Variants in ARHGEF19 observed in about 807,000 individuals in gnomAD.
ARHGEF19 encodes the protein Rho guanine nucleotide exchange factor 19, also known as Rho guanine nucleotide exchange factor (GEF) 19.
Under a neutral mutation model 87.6 loss-of-function variants are expected in ARHGEF19, and 92 were observed. The ratio of observed to expected loss-of-function variants is 1.05; its 90% CI spans 0.89 to 1.25. The LOEUF is 1.25. ARHGEF19 is among the 50% of genes most tolerant of loss of function. The pLI, the probability that ARHGEF19 is intolerant of heterozygous loss-of-function variation, is 0.00. For synonymous variants in ARHGEF19, 438 were observed against 446.2 expected (o/e 0.98, Z 0.23); for missense variants, 1,054 against 1,051.8 (o/e 1.00, Z -0.03).
rs772251757 is a variant in ARHGEF19, at chr1:16,208,653, C to A, written c.402G>T (p.Lys134Asn). The A allele has an allele frequency of 6.2e-6, 10 of 1,603,732 alleles. No individual in the cohort carries two copies. Among genetic ancestry groups the A allele is most frequent in the African/African-American group, 2.7e-5 (2 of 74,436 alleles). Reference sequence around the variant, plus strand: ...CCCAGGGTGACTCACAGGCAGACTTCTTCTCCGAGCCGTGGCTGGCCCGGC... The same window carrying A: ...CCCAGGGTGACTCACAGGCAGACTTATTCTCCGAGCCGTGGCTGGCCCGGC... ...PQRRASHGSE[K>N]KSAWRKMRVY... Residue 134 changes from lysine (K) to asparagine (N), a missense_variant, in exon 2 of 16, where the codon AAG (lysine) becomes AAT (asparagine). Lys to Asn is a moderately conservative substitution (Grantham distance 94). Transcript: ENST00000270747.
At chr1:16,203,184 G>A (rs967767454) in intron 12 of ARHGEF19, among the ~76,000 whole-genome samples, 2 of 139,278 alleles carry the variant, frequency 1.4e-5, no homozygotes, top group African/African-American at 5.1e-5. Context: ...GGCAGGATGG[G>A]TGGAGGGTGT....
chr1:16,207,525 T>C lies in ARHGEF19; in HGVS notation c.871A>G (p.Asn291Asp). 1 of 1,613,666 alleles carries C rather than the reference T, an allele frequency of 6.2e-7. No individual in the cohort carries two copies. ...NERRQSRFLL[N>D]SVLYQEYSDV... ...CAGGGACCCCCCTCCCACGTACAGT[T>C]AAGGAGGAATCGAGACTGGCGCCGC... The change falls in exon 5 of 16, where the codon AAC becomes GAC. Residue 291 changes from asparagine to aspartate, a missense_variant. By Grantham distance (23) the Asn-to-Asp change is conservative. Coordinates refer to ENST00000270747, the MANE Select transcript of ARHGEF19 (RefSeq NM_153213.5). The surrounding 1 kb of genome is among the most constrained non-coding windows in gnomAD (Gnocchi z 4.0).
At position 16,202,557 on chromosome 1, in the gene ARHGEF19, A is replaced by G; in HGVS notation, c.1925T>C (p.Val642Ala). 1 of 1,613,686 alleles carries G rather than the reference A, an allele frequency of 6.2e-7. No homozygotes were observed. The highest frequency in any genetic ancestry group is 8.5e-7 in the Non-Finnish European group (1 of 1,179,670). ...CTCAGCCATCTTGGCATGGACGAAA[A>G]CGGCAAACTTCCCTAGCCTGGAGGA... ...SRRKELGKFA[V>A]FVHAKMAELQ... The change falls in exon 13 of 16, where the codon GTT becomes GCT. Residue 642 changes from valine to alanine, a missense_variant. Physicochemically the swap from Val to Ala is moderately conservative, Grantham distance 64. Coordinates refer to ENST00000270747, the MANE Select transcript of ARHGEF19 (RefSeq NM_153213.5).
chr1:16,201,908 G>A (rs774305149), intron 13 of ARHGEF19, 47 bp from the exon 14 acceptor site: 1 of 1,594,478 alleles, frequency 6.3e-7, no homozygotes, highest in South Asian at 1.1e-5. Context: ...AAGTGCAGTT[G>A]CCCAGGGCAG....
intron 2 of ARHGEF19, 126 bp downstream of exon 2, chr1:16,208,517 A>T: frequency 7.8e-7 from 1 of 1,289,706 alleles, no homozygotes; most frequent in Non-Finnish European, 1.0e-6. Context: ...TAGTTTCCTT[A>T]TCACTAATCT....
Position 16,207,472 on chromosome 1 carries a change from C to T in ARHGEF19, c.874+50G>A, listed in dbSNP as rs748466328. Reference sequence around the variant, plus strand: ...AACCCTCTTTTCCCCGTTTCCACACCGCAGCCCCTTCCTCCGTTACCTCCT... The same window carrying T: ...AACCCTCTTTTCCCCGTTTCCACACTGCAGCCCCTTCCTCCGTTACCTCCT... On this transcript the variant is annotated intron_variant, in intron 5 of 15. Transcript: ENST00000270747. This position sits in a 1 kb window ranked among gnomAD's most constrained non-coding sequence, Gnocchi z 4.0. 3.1e-6 allele frequency: 5 copies of T among 1,604,956 alleles called. No individual in the cohort carries two copies. The East Asian group carries it at 8.9e-5, about 29-fold the overall frequency.
In ARHGEF19 at chr1:16,207,280, C is replaced by T; in HGVS notation, c.875-70G>A. ...CCCTGCCCGGCTTTTCCTCGGTTCC[C>T]TCAAGAGCCCGCGTCACTTAACCTT... is the stretch of plus-strand genomic sequence containing the variant. On this transcript the variant is annotated intron_variant, in intron 5 of 15. Coordinates refer to ENST00000270747, the MANE Select transcript of ARHGEF19 (RefSeq NM_153213.5). The surrounding 1 kb of genome is among the most constrained non-coding windows in gnomAD (Gnocchi z 4.0). The T allele has an allele frequency of 1.4e-6, 2 of 1,453,502 alleles. No homozygotes were observed. The highest frequency in any genetic ancestry group is 1.8e-6 in the Non-Finnish European group (2 of 1,108,024). 90.0% of individuals were successfully genotyped at this position (1,453,502 alleles called of 1,614,324 possible).
rs1409576282 is a variant in ARHGEF19 at position 16,205,351 on chromosome 1, C to T, written c.1656G>A (p.Glu552=). ...MATKAFNALK[E]LVQECNASVQ... ...GCAGCCCCTGCCCTGCCCAGCTCACCTCCTTGAGCGCATTGAAGGCCTTGG... is the reference window on the plus strand; with the variant it reads ...GCAGCCCCTGCCCTGCCCAGCTCACTTCCTTGAGCGCATTGAAGGCCTTGG... Residue 552 remains glutamate (E), a splice_region_variant and synonymous_variant, in exon 10 of 16, where the codon GAG becomes GAA. Coordinates refer to ENST00000270747, the MANE Select transcript of ARHGEF19 (RefSeq NM_153213.5). The surrounding 1 kb of genome is among the most constrained non-coding windows in gnomAD (Gnocchi z 5.8). 3.1e-6 allele frequency: 5 copies of T among 1,613,820 alleles called. No individual in the cohort carries two copies. Among genetic ancestry groups the T allele is most frequent in the Non-Finnish European group, 4.2e-6 (5 of 1,179,868 alleles).
Position 16,207,922 on chromosome 1 carries a change from G to T in ARHGEF19, c.694+22C>A. 1 of 1,593,594 alleles carries T rather than the reference G, an allele frequency of 6.3e-7. No homozygotes were observed. The highest frequency in any genetic ancestry group is 8.6e-7 in the Non-Finnish European group (1 of 1,168,716). ...CCACCCGGCATCTGGCTGCCCTCAG[G>T]GCCCATGGGAGGAGCTGGTACCTTC... is the stretch of plus-strand genomic sequence containing the variant. On this transcript the variant is annotated intron_variant, in intron 3 of 15. Coordinates refer to ENST00000270747, the MANE Select transcript of ARHGEF19 (RefSeq NM_153213.5). This position sits in a 1 kb window ranked among gnomAD's most constrained non-coding sequence, Gnocchi z 4.0.
rs1236758784 is a variant in ARHGEF19 at position 16,206,083 on chromosome 1, C to A, written c.1299G>T (p.Arg433Ser). 4 of 1,578,460 alleles carry A rather than the reference C, an allele frequency of 2.5e-6. No homozygotes were observed. Among genetic ancestry groups the A allele is most frequent in the Non-Finnish European group, 3.4e-6 (4 of 1,161,706 alleles). ...GCCGCTGCTCCAGGTCCTGCAGGAA[C>A]CTGAGGAGTCAGAGCCAGGATGGAG... ...KLPEVKSTSE[R>S]FLQDLEQRLE... The change falls in exon 8 of 16, where the codon AGG becomes AGT. Residue 433 changes from arginine (R) to serine (S), a missense_variant and splice_region_variant. Transcript: ENST00000270747. The surrounding 1 kb of genome is among the most constrained non-coding windows in gnomAD (Gnocchi z 4.6).
In ARHGEF19 at chr1:16,208,130, C is replaced by T; in HGVS notation, c.508G>A (p.Ala170Thr). The T allele has an allele frequency of 6.2e-7, 1 of 1,613,496 alleles. No homozygotes were observed. Among genetic ancestry groups the T allele is most frequent in the Non-Finnish European group, 8.5e-7 (1 of 1,179,500 alleles). The change falls in exon 3 of 16, where the codon GCC (alanine) becomes ACC (threonine). Residue 170 changes from alanine to threonine, a missense_variant. Coordinates refer to ENST00000270747, the MANE Select transcript of ARHGEF19 (RefSeq NM_153213.5). ...LEPGQVVQEQ[A>T]LSTEEPRVEL... is the part of the protein sequence containing the mutation. ...ACCCTGGGCTCCTCTGTGCTCAGGG[C>T]CTGCTCTTGCACTACCTGGCCAGGC... is the stretch of plus-strand genomic sequence containing the variant.
In ARHGEF19 at chr1:16,205,724, A is replaced by C; in HGVS notation, c.1452-57T>G. 6.5e-7 allele frequency: 1 copy of C among 1,548,644 alleles called. No homozygotes were observed. On this transcript the variant is annotated intron_variant, in intron 8 of 15. Coordinates refer to ENST00000270747, the MANE Select transcript of ARHGEF19 (RefSeq NM_153213.5). The surrounding 1 kb of genome is among the most constrained non-coding windows in gnomAD (Gnocchi z 5.8). ...GTAGGCCTGAATTCCTGGGATCCAC[A>C]ACCCTGGCCATCCACGGGGTCCTCA...
At position 16,204,922 on chromosome 1, in the gene ARHGEF19, A is replaced by G; in HGVS notation, c.1747-3T>C. On this transcript the variant is annotated splice_region_variant and splice_polypyrimidine_tract_variant and intron_variant, in intron 11 of 15. Transcript: ENST00000270747. ...GCCTGAGAGATCAGCGGGAAAATCT[A>G]GAGGGATGGAGAAGGATGGGTCAGG... is the stretch of plus-strand genomic sequence containing the variant. 3 of 1,596,420 alleles carry G rather than the reference A, an allele frequency of 1.9e-6. No individual in the cohort carries two copies. In the South Asian group the frequency reaches 3.4e-5, roughly 18 times the overall value.
chr1:16,207,135 G>C lies in ARHGEF19; in HGVS notation c.950C>G (p.Pro317Arg), dbSNP rs1379366211. Residue 317 changes from proline to arginine, a missense_variant, in exon 6 of 16, where the codon CCG (proline) becomes CGG (arginine). Physicochemically the swap from Pro to Arg is moderately radical, Grantham distance 103 (BLOSUM62 -2). Transcript: ENST00000270747. The surrounding 1 kb of genome is among the most constrained non-coding windows in gnomAD (Gnocchi z 4.0). ...CTCTGCGCCCTCGGCCTCGTCCCCC[G>C]GGCCCTCCTCCTCGCGCTGCTGCCG... ...LRRQQREEEG[P>R]GDEAEGAEEG... 3.3e-6 allele frequency: 5 copies of C among 1,525,868 alleles called. No homozygotes were observed. Among genetic ancestry groups the C allele is most frequent in the Non-Finnish European group, 4.4e-6 (5 of 1,140,240 alleles). The allele number at this position is 1,525,868 out of a possible 1,614,324, so 94.5% of individuals were successfully genotyped here. A position where few individuals can be genotyped will look rare whatever the true frequency, so the allele number is the denominator to read the frequency against.
chr1:16,208,109 T>C lies in ARHGEF19; in HGVS notation c.529A>G (p.Arg177Gly), dbSNP rs2081162889. Residue 177 changes from arginine to glycine, a missense_variant, in exon 3 of 16, where the codon AGG becomes GGG. Physicochemically the swap from Arg to Gly is moderately radical, Grantham distance 125 (BLOSUM62 -2). Coordinates refer to ENST00000270747, the MANE Select transcript of ARHGEF19 (RefSeq NM_153213.5). ...QEQALSTEEP[R>G]VELSGSTRVS... ...CGGGTGGACCCAGACAACTCCACCC[T>C]GGGCTCCTCTGTGCTCAGGGCCTGC... 1.9e-6 allele frequency: 3 copies of C among 1,613,946 alleles called. No individual in the cohort carries two copies. Among genetic ancestry groups the C allele is most frequent in the African/African-American group, 2.7e-5 (2 of 74,938 alleles).
chr1:16,212,367 G>A (rs1322505863), intron 1 of ARHGEF19, 135 bp downstream of exon 1: 2 of 152,396 alleles, frequency 1.3e-5, no homozygotes. Context: ...CAGGCCAAGT[G>A]GTTCACAGAG....
chr1:16,204,963 C>A (rs1229311199), intron 11 of ARHGEF19, 44 bp from the exon 12 acceptor site: 1 of 1,576,928 alleles, frequency 6.3e-7, no homozygotes, highest in Non-Finnish European at 8.6e-7. Flanking sequence ...GGGCACCAGG[C>A]AGAGAGCACA....
Position 16,205,248 on chromosome 1 carries a change from C to G in ARHGEF19, c.1657-72G>C. On this transcript the variant is annotated intron_variant, in intron 10 of 15. Coordinates refer to ENST00000270747, the MANE Select transcript of ARHGEF19 (RefSeq NM_153213.5). This position sits in a 1 kb window ranked among gnomAD's most constrained non-coding sequence, Gnocchi z 5.8. ...CCCAGAGCCCAGCCTCAGACTCTTG[C>G]CTGGGGACCGGAGACTCTGACAGCT... 1.9e-6 allele frequency: 3 copies of G among 1,597,764 alleles called. No homozygotes were observed. The South Asian group carries it at 3.3e-5, about 18-fold the overall frequency.
Position 16,207,255 on chromosome 1 carries a change from C to G in ARHGEF19, c.875-45G>C. 2 of 1,467,410 alleles carry G rather than the reference C, an allele frequency of 1.4e-6. No homozygotes were observed. The highest frequency in any genetic ancestry group is 1.8e-6 in the Non-Finnish European group (2 of 1,115,042). The allele number at this position is 1,467,410 out of a possible 1,614,324, so 90.9% of individuals were successfully genotyped here. On this transcript the variant is annotated intron_variant, in intron 5 of 15. Coordinates refer to ENST00000270747, the MANE Select transcript of ARHGEF19 (RefSeq NM_153213.5). The surrounding 1 kb of genome is among the most constrained non-coding windows in gnomAD (Gnocchi z 4.0). ...GGGAGAGCGTGGGGCGCCCGCCAGC[C>G]CCTGCCCGGCTTTTCCTCGGTTCCC...
Sources: gnomAD v4.1 joint callset for allele counts (sites outside exome capture counted in the v4.1 genomes callset) on GRCh38, gnomAD v4.1.1 for gene constraint, Gnocchi (gnomAD v3.1) non-coding constraint, MANE v1.5 for transcripts, NCBI Gene and HGNC (gene_info 2026-07-23, HGNC 2026-07-21) for gene names.